GLRA3: variants seen among roughly 807,000 people sequenced by gnomAD.
GLRA3 encodes glycine receptor alpha 3.
In GLRA3, 44 loss-of-function variants were observed where a neutral mutation model predicts 60.4. The observed-to-expected ratio is 0.73, with a 90% confidence interval of 0.57 to 0.94. The LOEUF (loss-of-function observed/expected upper bound fraction) is 0.94. Among genes scored for constraint, GLRA3 ranks in the 40% least tolerant of loss-of-function variants. GLRA3 has a pLI of 0.00. For missense variants in GLRA3, 508 were observed against 564.6 expected (o/e 0.90, Z 1.02); for synonymous variants, 223 against 192.9 (o/e 1.16, Z -1.29).
intron 1 of GLRA3, among the ~76,000 whole-genome samples, chr4:174,821,929 TAGAA>T (rs1363255827): frequency 6.6e-6 from 1 of 152,152 alleles, no homozygotes; most frequent in Non-Finnish European, 1.5e-5. Flanking sequence ...TCTAAAATCT[TAGAA>T]AGATGTGACA....
intron 7 of GLRA3, among the ~76,000 whole-genome samples, chr4:174,664,770 T>C (rs760372501): frequency 9.2e-5 from 14 of 152,182 alleles, no homozygotes; most frequent in African/African-American, 3.1e-4. Flanking sequence ...TTATGGGGTA[T>C]AAAGCCCTTC....
chr4:174,672,811 A>G (rs772125546), intron 7 of GLRA3, among the ~76,000 whole-genome samples: 1 of 152,182 alleles, frequency 6.6e-6, no homozygotes, highest in Non-Finnish European at 1.5e-5. Context: ...CAAGAATCTC[A>G]TAATATTAAT....
At chr4:174,826,669 GGTT>G (rs145328562) in intron 1 of GLRA3, among the ~76,000 whole-genome samples, 12 of 152,108 alleles carry the variant, frequency 7.9e-5, no homozygotes, top group African/African-American at 2.2e-4. Context: ...TGTGGTTTCT[GGTT>G]GTTGTTGTTG....
At chr4:174,645,510 T>C (rs1157352964) in intron 9 of GLRA3, among the ~76,000 whole-genome samples, 1 of 148,750 alleles carries the variant, frequency 6.7e-6, no homozygotes, top group East Asian at 2.0e-4. Context: ...AGTGAAAAAA[T>C]AGAAATTATT....
At chr4:174,698,675 C>G (rs1325941869) in intron 5 of GLRA3, among the ~76,000 whole-genome samples, 3 of 152,098 alleles carry the variant, frequency 2.0e-5, no homozygotes, top group Middle Eastern at 3.2e-3. Context: ...CTTTGTAATA[C>G]TATAAAATTA....
intron 1 of GLRA3, among the ~76,000 whole-genome samples, chr4:174,824,323 C>T (rs900639549): frequency 1.3e-5 from 2 of 152,092 alleles, no homozygotes; most frequent in African/African-American, 2.4e-5. Context: ...TTACATAGCT[C>T]TTAAATAATT....
intron 4 of GLRA3, among the ~76,000 whole-genome samples, chr4:174,719,023 C>T (rs1327430452): frequency 8.1e-6 from 1 of 123,420 alleles, no homozygotes; most frequent in Non-Finnish European, 1.6e-5. Flanking sequence ...AGTGCAGTGG[C>T]GCAATCTCGG....
At chr4:174,689,548 G>A (rs1298969818) in intron 5 of GLRA3, among the ~76,000 whole-genome samples, 1 of 151,624 alleles carries the variant, frequency 6.6e-6, no homozygotes, top group African/African-American at 2.4e-5. Context: ...TATCCATTAA[G>A]TAACTTCTCA....
intron 1 of GLRA3, among the ~76,000 whole-genome samples, chr4:174,790,338 T>C (rs78248452): frequency 0.14 from 20,611 of 151,978 alleles, 2,148 homozygotes; most frequent in East Asian, 0.41. Context: ...ATTGTGATCA[T>C]TGGGAAGTTT....
intron 5 of GLRA3, among the ~76,000 whole-genome samples, chr4:174,713,216 A>G (rs1404956116): frequency 6.6e-6 from 1 of 152,090 alleles, no homozygotes; most frequent in Non-Finnish European, 1.5e-5. Flanking sequence ...CAATCCACTC[A>G]TATTTCTTAT....
At chr4:174,724,515 C>T (rs1736248345) in intron 4 of GLRA3, among the ~76,000 whole-genome samples, 1 of 152,118 alleles carries the variant, frequency 6.6e-6, no homozygotes, top group Non-Finnish European at 1.5e-5. Context: ...TTTCCCCTTA[C>T]ATCTGTCTTA....
intron 9 of GLRA3, among the ~76,000 whole-genome samples, chr4:174,647,194 C>T (rs986839412): frequency 7.2e-5 from 11 of 151,946 alleles, no homozygotes; most frequent in African/African-American, 9.7e-5. Context: ...ATTGCTTGAG[C>T]GCAGGAGTTG....
chr4:174,681,964 G>C (rs145291279), intron 6 of GLRA3, among the ~76,000 whole-genome samples: 2 of 152,258 alleles, frequency 1.3e-5, no homozygotes, highest in African/African-American at 4.8e-5. Context: ...ATTTGCTAAG[G>C]AGATAAGAGA....
intron 3 of GLRA3, among the ~76,000 whole-genome samples, chr4:174,766,460 T>C (rs1738146954): frequency 6.6e-6 from 1 of 152,090 alleles, no homozygotes; most frequent in Non-Finnish European, 1.5e-5. Context: ...ACAATTTTTA[T>C]GTTTTTCTGG....
chr4:174,682,346 T>C (rs990113194), intron 6 of GLRA3, among the ~76,000 whole-genome samples: 1 of 152,110 alleles, frequency 6.6e-6, no homozygotes, highest in African/African-American at 2.4e-5. Flanking sequence ...GAATAGTAGA[T>C]GCTTAGGTAA....
At chr4:174,717,438 G>A (rs979384547) in intron 4 of GLRA3, among the ~76,000 whole-genome samples, 4 of 152,144 alleles carry the variant, frequency 2.6e-5, no homozygotes, top group African/African-American at 9.7e-5. Context: ...ATAGTCTGCA[G>A]CTCTACTAAA....
In GLRA3 at chr4:174,788,883, A is replaced by G. The variant is rs113333070; in HGVS notation, c.132T>C (p.Ser44=). The change falls in exon 2 of 10, where the codon TCT becomes TCC. Residue 44 remains serine (S), a synonymous_variant. Coordinates refer to ENST00000274093, the MANE Select transcript of GLRA3 (RefSeq NM_006529.4). ...TGCCCATTAATTTATCCAGAAAATC[A>G]GAAGGTGACATTGGAGCACTTCGAG... ...ARSRSAPMSP[S]DFLDKLMGRT... is the part of the protein sequence containing the mutation. The G allele has an allele frequency of 3.1e-6, 5 of 1,609,220 alleles. No homozygotes were observed. The African/African-American group carries it at 5.3e-5, about 17-fold the overall frequency.
intron 2 of GLRA3, among the ~76,000 whole-genome samples, chr4:174,783,711 A>G (rs975482700): frequency 6.7e-6 from 1 of 149,084 alleles, no homozygotes; most frequent in African/African-American, 2.5e-5. Context: ...CAAAAGACAC[A>G]TGAAAAAATG....
At chr4:174,724,782 C>G (rs2111122248) in intron 4 of GLRA3, among the ~76,000 whole-genome samples, 1 of 152,142 alleles carries the variant, frequency 6.6e-6, no homozygotes, top group African/African-American at 2.4e-5. Flanking sequence ...GGATATATTC[C>G]CTGGGTACAA....
Sources: gnomAD v4.1 joint callset for allele counts (sites outside exome capture counted in the v4.1 genomes callset) on GRCh38, gnomAD v4.1.1 for gene constraint, MANE v1.5 for transcripts, NCBI Gene and HGNC (gene_info 2026-07-23, HGNC 2026-07-21) for gene names.